The following UCK2 variants were observed in gnomAD, a reference collection of about 807,000 sequenced individuals.
UCK2 encodes the protein uridine-cytidine kinase 2.
A neutral mutation model predicts 30.8 loss-of-function variants in UCK2; 6 were observed. The ratio of observed to expected loss-of-function variants is 0.19; its 90% confidence interval spans 0.11 to 0.38. The LOEUF is 0.38. UCK2 is among the 10% of genes least tolerant of loss of function. UCK2 has a pLI of 1.00. For synonymous variants in UCK2, 125 were observed against 133.6 expected, an observed-to-expected ratio of 0.94 and a Z score of 0.45; for missense variants, 210 against 339.8, an observed-to-expected ratio of 0.62 and a Z score of 3.00.
chr1:165,847,122 T>TA (rs570543643), intron 1 of UCK2, among the ~76,000 whole-genome samples: 42 of 145,658 alleles, frequency 2.9e-4, no homozygotes, highest in East Asian at 6.0e-4. Context: ...TTGGTAAAAG[T>TA]AAAAAAAAAA....
At chr1:165,838,305 C>A (rs189300970) in intron 1 of UCK2, among the ~76,000 whole-genome samples, 9 of 152,182 alleles carry the variant, frequency 5.9e-5, no homozygotes, top group Non-Finnish European at 1.3e-4. Flanking sequence ...TGCTCTGATA[C>A]AACCCTGCAG....
chr1:165,885,913 A>C (rs1655602886), intron 1 of UCK2, among the ~76,000 whole-genome samples: 1 of 152,240 alleles, frequency 6.6e-6, no homozygotes, highest in Non-Finnish European at 1.5e-5. Context: ...TAAAATACAC[A>C]TAACATAAAA....
At chr1:165,854,420 G>A (rs527764745) in intron 1 of UCK2, among the ~76,000 whole-genome samples, 3 of 152,148 alleles carry the variant, frequency 2.0e-5, no homozygotes, top group South Asian at 2.1e-4. Context: ...GAAGTAAACC[G>A]ATTTCCCTGG....
chr1:165,830,127 T>G (rs1185786983), intron 1 of UCK2, among the ~76,000 whole-genome samples: 1 of 151,496 alleles, frequency 6.6e-6, no homozygotes, highest in African/African-American at 2.4e-5. Context: ...CACTTCAGCC[T>G]CCAGAGTAGC....
chr1:165,871,499 C>T (rs1434508897), intron 1 of UCK2, among the ~76,000 whole-genome samples: 2 of 152,128 alleles, frequency 1.3e-5, no homozygotes, highest in South Asian at 4.1e-4. Context: ...CAGGAAGTCC[C>T]TTACAACCCA....
intron 1 of UCK2, among the ~76,000 whole-genome samples, chr1:165,880,567 GTGTGT>G (rs1655467659): frequency 2.3e-4 from 1 of 4,328 alleles, no homozygotes; most frequent in African/African-American, 1.5e-3. Context: ...TTTTTTGGGG[GTGTGT>G]GTGTGTGTGT....
chr1:165,831,376 C>T (rs991600208), intron 1 of UCK2, among the ~76,000 whole-genome samples: 4 of 152,158 alleles, frequency 2.6e-5, no homozygotes, highest in African/African-American at 7.2e-5. Flanking sequence ...GTAGCAAGAC[C>T]CCATCTCAAA....
chr1:165,845,401 A>G (rs1270986096), intron 1 of UCK2, among the ~76,000 whole-genome samples: 1 of 152,174 alleles, frequency 6.6e-6, no homozygotes, highest in Non-Finnish European at 1.5e-5. Flanking sequence ...TCAATTACAA[A>G]TATATATTTA....
intron 1 of UCK2, among the ~76,000 whole-genome samples, chr1:165,878,619 C>G (rs538317350): frequency 6.6e-6 from 1 of 152,212 alleles, no homozygotes; most frequent in Non-Finnish European, 1.5e-5. Flanking sequence ...GCTGGGATTA[C>G]AGGCGTAAGC....
chr1:165,889,504 C>G lies in UCK2; in HGVS notation c.100-700C>G, dbSNP rs189001978. Among the ~76,000 whole-genome samples the G allele has an allele frequency of 8.3e-4, 126 of 152,190 alleles. 1 individual carries two copies. Among genetic ancestry groups the G allele is most frequent in the African/African-American group, 2.3e-3 (94 of 41,526 alleles). ...AGCAGACAGGATCAGGTAGCCCTAC[C>G]TTTATCAGTGGCTCTGGGAAAGGCT... On this transcript the variant is annotated intron_variant, in intron 1 of 6. Transcript: ENST00000367879.
intron 3 of UCK2, chr1:165,895,589 G>A: frequency 1.0e-6 from 1 of 985,558 alleles, no homozygotes; most frequent in Non-Finnish European, 1.2e-6. Context: ...GTTTGGGGTA[G>A]AGCCAGACCA....
At chr1:165,847,559 T>G (rs1557834521) in intron 1 of UCK2, among the ~76,000 whole-genome samples, 1 of 152,232 alleles carries the variant, frequency 6.6e-6, no homozygotes, top group African/African-American at 2.4e-5. Flanking sequence ...GCCTCGACTA[T>G]GTTAAGCTTC....
chr1:165,904,205 CAAT>C (rs1212538826), intron 5 of UCK2: 2 of 152,192 alleles, frequency 1.3e-5, no homozygotes, highest in Non-Finnish European at 2.9e-5. Context: ...TTTATTCTAA[CAAT>C]AAACTTCATT....
intron 5 of UCK2, among the ~76,000 whole-genome samples, chr1:165,905,359 C>CT (rs1647618577): frequency 6.6e-6 from 1 of 152,100 alleles, no homozygotes; most frequent in African/African-American, 2.4e-5. Context: ...TGGCGGGTGC[C>CT]TGTAGTCCCA....
At chr1:165,847,620 A>G (rs1379481394) in intron 1 of UCK2, among the ~76,000 whole-genome samples, 1 of 152,110 alleles carries the variant, frequency 6.6e-6, no homozygotes, top group Non-Finnish European at 1.5e-5. Flanking sequence ...ATTTTTTTCT[A>G]GAGATAGGAT....
intron 1 of UCK2, among the ~76,000 whole-genome samples, chr1:165,877,433 G>T (rs763778839): frequency 6.6e-6 from 1 of 152,130 alleles, no homozygotes; most frequent in Non-Finnish European, 1.5e-5. Context: ...TACCTGCCCC[G>T]GATTTCCCGC....
At chr1:165,869,359 CGTA>C (rs1490003146) in intron 1 of UCK2, among the ~76,000 whole-genome samples, 1 of 142,590 alleles carries the variant, frequency 7.0e-6, no homozygotes, top group African/African-American at 3.1e-5. Flanking sequence ...GTAAAAAAAA[CGTA>C]GTATCTGTGA....
intron 1 of UCK2, among the ~76,000 whole-genome samples, chr1:165,880,937 C>T (rs1002760439): frequency 7.9e-5 from 12 of 151,848 alleles, no homozygotes; most frequent in African/African-American, 1.7e-4. Context: ...CATGGGAGGC[C>T]GAGGCGTGTG....
intron 1 of UCK2, among the ~76,000 whole-genome samples, chr1:165,886,059 C>T (rs778038464): frequency 8.5e-5 from 13 of 152,070 alleles, no homozygotes; most frequent in East Asian, 1.9e-4. Context: ...TCCCCTCAGC[C>T]CCTGGCAACC....
Sources: gnomAD v4.1 joint callset for allele counts (sites outside exome capture counted in the v4.1 genomes callset) on GRCh38, gnomAD v4.1.1 for gene constraint, MANE v1.5 for transcripts, NCBI Gene and HGNC (gene_info 2026-07-23, HGNC 2026-07-21) for gene names.